NOS1: variants seen among roughly 807,000 people sequenced by gnomAD.
NOS1 encodes nitric oxide synthase 1.
NOS1 carries 51 observed loss-of-function variants against 164.5 expected under a neutral mutation model. The ratio of observed to expected loss-of-function variants is 0.31; its 90% CI spans 0.25 to 0.39. The LOEUF (loss-of-function observed/expected upper bound fraction) is 0.39. Among genes scored for constraint, NOS1 ranks in the 10% least tolerant of loss-of-function variants. The pLI is 1.00. For synonymous variants in NOS1, 719 were observed against 745.8 expected, an observed-to-expected ratio of 0.96 and a Z score of 0.59; for missense variants, 1,362 against 1,885.6, an observed-to-expected ratio of 0.72 and a Z score of 5.14.
chr12:117,325,710 T>C (rs1240758345), intron 2 of NOS1, among the ~76,000 whole-genome samples: 1 of 152,226 alleles, frequency 6.6e-6, no homozygotes, highest in Non-Finnish European at 1.5e-5. Context: ...TCAGGAGTCA[T>C]TCACTATTTT....
At chr12:117,267,974 CAT>C in intron 11 of NOS1, 67 bp downstream of exon 11, 3 of 1,109,078 alleles carry the variant, frequency 2.7e-6, no homozygotes, top group Non-Finnish European at 4.1e-6. Context: ...TGATCCTCTG[CAT>C]CAAGGCTCTG....
At chr12:117,347,269 A>T (rs1357687897) in intron 1 of NOS1, among the ~76,000 whole-genome samples, 3 of 151,566 alleles carry the variant, frequency 2.0e-5, no homozygotes, top group African/African-American at 7.3e-5. Context: ...ACTGGGTGAA[A>T]GAGAGTGTGA....
chr12:117,220,341 G>T, intron 26 of NOS1, 72 bp from the exon 27 acceptor site: 1 of 1,453,188 alleles, frequency 6.9e-7, no homozygotes, highest in African/African-American at 1.4e-5. Flanking sequence ...TGTCTGCCCA[G>T]GAAGCAGAGC....
At chr12:117,312,269 G>A (rs1211486827) in intron 2 of NOS1, among the ~76,000 whole-genome samples, 1 of 152,168 alleles carries the variant, frequency 6.6e-6, no homozygotes, top group Non-Finnish European at 1.5e-5. Context: ...GGTTCTCCCT[G>A]TGTTGGCCAG....
At chr12:117,332,694 G>A (rs1252579815) in intron 1 of NOS1, among the ~76,000 whole-genome samples, 4 of 152,224 alleles carry the variant, frequency 2.6e-5, no homozygotes, top group Admixed American at 1.3e-4. Flanking sequence ...GTGAAACTTC[G>A]TCTCTACTAA....
Position 117,265,415 on chromosome 12 carries a change from G to C in NOS1, c.2037C>G (p.Ala679=), listed in dbSNP as rs373128855. ...NEYRCRGGCP[A]DWVWIVPPMS... ...TGGGGGGCACGATCCACACCCAGTC[G>C]GCAGGGCAGCCCCCCCGGCAGCGGT... Residue 679 remains alanine (A), a synonymous_variant, in exon 12 of 29, where the codon GCC becomes GCG. Transcript: ENST00000317775. The C allele has an allele frequency of 1.9e-6, 3 of 1,595,790 alleles. No individual in the cohort carries two copies. Among genetic ancestry groups the C allele is most frequent in the Non-Finnish European group, 8.5e-7 (1 of 1,171,582 alleles).
intron 1 of NOS1, among the ~76,000 whole-genome samples, chr12:117,341,007 G>T (rs1039806536): frequency 6.6e-6 from 1 of 150,860 alleles, no homozygotes; most frequent in East Asian, 1.9e-4. Flanking sequence ...TTACAGACAT[G>T]AGCCACTGTG....
At chr12:117,260,134 C>CA (rs571248975) in intron 14 of NOS1, among the ~76,000 whole-genome samples, 2,061 of 131,616 alleles carry the variant, frequency 0.016, 61 homozygotes, top group African/African-American at 0.064. Flanking sequence ...AAAAAAAAAA[C>CA]AAAAAACAAA....
rs1396277519 is a variant in NOS1 at position 117,279,709 on chromosome 12, GACC to G, written c.1524+1013_1524+1015del. Among the ~76,000 whole-genome samples, 16 of 152,312 alleles carry G rather than the reference GACC, an allele frequency of 1.1e-4. No homozygotes were observed. In the East Asian group the frequency reaches 3.1e-3, roughly 29 times the overall value. On this transcript the variant is annotated intron_variant, in intron 8 of 28. Coordinates refer to ENST00000317775, the MANE Select transcript of NOS1 (RefSeq NM_000620.5). Reference sequence around the variant, plus strand: ...GAGGTTGGGGCATTTATGTTCTGGTGACCACGAGGACAAGGTCAGCCAAGTACA... The same window carrying G: ...GAGGTTGGGGCATTTATGTTCTGGTGACGAGGACAAGGTCAGCCAAGTACA...
intron 1 of NOS1, among the ~76,000 whole-genome samples, chr12:117,352,222 T>A (rs1361058575): frequency 6.6e-6 from 1 of 152,002 alleles, no homozygotes; most frequent in Non-Finnish European, 1.5e-5. Context: ...CATGCATACA[T>A]AATACAGTGT....
rs186432338 is a variant in NOS1, at chr12:117,304,061, G to A, written c.852+7405C>T. 1.1e-4 allele frequency among the ~76,000 whole-genome samples: 16 copies of A among 152,206 alleles called. No individual in the cohort carries two copies. In the East Asian group the frequency reaches 2.3e-3, roughly 22 times the overall value. On this transcript the variant is annotated intron_variant, in intron 3 of 28. Coordinates refer to ENST00000317775, the MANE Select transcript of NOS1 (RefSeq NM_000620.5). ...GCGGCGTGCGCCTGTAGTCCCAGCT[G>A]CTGGGGAGGCTGAGGCAGGAGAATG...
chr12:117,243,181 A>T lies in NOS1; in HGVS notation c.2962+116T>A. On this transcript the variant is annotated intron_variant, in intron 19 of 28. Coordinates refer to ENST00000317775, the MANE Select transcript of NOS1 (RefSeq NM_000620.5). The surrounding 1 kb of genome is among the most constrained non-coding windows in gnomAD (Gnocchi z 4.3). ...AAAGTATTCATTTTGGTAGGACTGC[A>T]CTAAAGGGAGATCAAAGCAATGAAG... The T allele has an allele frequency of 1.6e-6, 2 of 1,276,866 alleles. No individual in the cohort carries two copies. Among genetic ancestry groups the T allele is most frequent in the Non-Finnish European group, 2.2e-6 (2 of 910,094 alleles). The allele number at this position is 1,276,866 out of a possible 1,614,324, so 79.1% of individuals were successfully genotyped here. A position where few individuals can be genotyped will look rare whatever the true frequency, so the allele number is the denominator to read the frequency against.
At chr12:117,273,679 T>TA (rs971996303) in intron 9 of NOS1, among the ~76,000 whole-genome samples, 2 of 152,138 alleles carry the variant, frequency 1.3e-5, no homozygotes, top group East Asian at 1.9e-4. Context: ...AAGAAACATT[T>TA]AAAAAATCAA....
chr12:117,323,063 G>T (rs1039343468), intron 2 of NOS1, among the ~76,000 whole-genome samples: 13 of 152,276 alleles, frequency 8.5e-5, no homozygotes, highest in Admixed American at 3.9e-4. Context: ...CTCCATCTGT[G>T]CCCCTGCCGT....
intron 17 of NOS1, among the ~76,000 whole-genome samples, chr12:117,251,548 G>A (rs1363444042): frequency 2.0e-5 from 3 of 151,758 alleles, no homozygotes; most frequent in Non-Finnish European, 4.4e-5. Flanking sequence ...AAGTAGCTGG[G>A]ACTAAAGACA....
rs35293946 is a variant in NOS1, at chr12:117,299,635, C to CAAA, written c.853-9212_853-9210dup. ...GCCTGGGCGACTGAGACTTTGTCTC[C>CAAA]AAAAAAAAAAAAAAGAAAAAAAGAA... On this transcript the variant is annotated intron_variant, in intron 3 of 28. Transcript: ENST00000317775. Among the ~76,000 whole-genome samples, 62 of 89,216 alleles carry CAAA rather than the reference C, an allele frequency of 6.9e-4. 1 individual carries two copies. Among genetic ancestry groups the CAAA allele is most frequent in the African/African-American group, 1.9e-3 (45 of 23,668 alleles). 58.5% of individuals were successfully genotyped at this position (89,216 alleles called of 152,430 possible).
chr12:117,292,273 T>A (rs188904454), intron 3 of NOS1, among the ~76,000 whole-genome samples: 1 of 151,774 alleles, frequency 6.6e-6, no homozygotes, highest in Non-Finnish European at 1.5e-5. Context: ...TGTAACTAAG[T>A]GGAGGGGAGA....
Position 117,331,222 on chromosome 12 carries a change from G to T in NOS1, c.-153C>A. ...GGCTTCAGCCCTCTCTGTCTTTGAC[G>T]TCAGCTCAGCGTCACCCACTCATGG... On this transcript the variant is annotated 5_prime_UTR_variant, in exon 2 of 29. Coordinates refer to ENST00000317775, the MANE Select transcript of NOS1 (RefSeq NM_000620.5). 1 of 960,068 alleles carries T rather than the reference G, an allele frequency of 1.0e-6. No homozygotes were observed. Among genetic ancestry groups the T allele is most frequent in the South Asian group, 1.7e-5 (1 of 59,114 alleles). 59.5% of individuals were successfully genotyped at this position (960,068 alleles called of 1,614,324 possible). A position where few individuals can be genotyped will look rare whatever the true frequency, so the allele number is the denominator to read the frequency against.
At chr12:117,295,615 C>CTTTTTTTTT (rs33913257) in intron 3 of NOS1, among the ~76,000 whole-genome samples, 1 of 105,114 alleles carries the variant, frequency 9.5e-6, no homozygotes, top group Non-Finnish European at 1.8e-5. Context: ...CCTGATCATT[C>CTTTTTTTTT]TTTTTTTTTT....
Sources: allele counts gnomAD v4.1 joint callset (sites outside exome capture counted in the v4.1 genomes callset), GRCh38; gene constraint gnomAD v4.1.1; non-coding constraint Gnocchi (gnomAD v3.1); transcripts MANE v1.5; gene names NCBI Gene and HGNC (gene_info 2026-07-23, HGNC 2026-07-21).